The following LINGO2 variants were observed in gnomAD, a reference collection of about 807,000 sequenced individuals.
The protein encoded by LINGO2 is leucine rich repeat and Ig domain containing 2.
A neutral mutation model predicts 30.6 loss-of-function variants in LINGO2; 14 were observed. The observed-to-expected ratio is 0.46, with a 90% CI of 0.30 to 0.72. The LOEUF (loss-of-function observed/expected upper bound fraction) is 0.72, where lower values mean the gene tolerates loss of function less well. LINGO2 is among the 30% of genes least tolerant of loss of function. LINGO2 has a pLI of 0.07. For synonymous variants in LINGO2, 317 were observed against 288.5 expected (o/e 1.10, Z -1.00); for missense variants, 729 against 751.7 (o/e 0.97, Z 0.35).
At chr9:28,299,230 T>C (rs141812501) in intron 3 of LINGO2, among the ~76,000 whole-genome samples, 117 of 152,306 alleles carry the variant, frequency 7.7e-4, no homozygotes, top group East Asian at 6.8e-3. Context: ...AATGATTGCT[T>C]GATCTTGATA....
At chr9:28,098,494 T>A (rs1472019933) in intron 4 of LINGO2, among the ~76,000 whole-genome samples, 1 of 152,172 alleles carries the variant, frequency 6.6e-6, no homozygotes, top group Non-Finnish European at 1.5e-5. Flanking sequence ...GCTTAGCACT[T>A]TCACATCAGA....
At chr9:28,901,013 T>G in the LINGO2 span, among the ~76,000 whole-genome samples, 1 of 152,136 alleles carries the variant, frequency 6.6e-6, no homozygotes, top group Non-Finnish European at 1.5e-5. Context: ...GAGGAAGATA[T>G]ATTATAGTAA....
intron 1 of LINGO2, among the ~76,000 whole-genome samples, chr9:28,563,959 T>C (rs1823236032): frequency 1.3e-5 from 2 of 152,122 alleles, no homozygotes; most frequent in South Asian, 4.1e-4. Context: ...CCAATTTTTA[T>C]AAATGTAGTG....
chr9:28,172,034 C>CAAAAAAAAA (rs11421803), intron 4 of LINGO2, among the ~76,000 whole-genome samples: 2 of 98,720 alleles, frequency 2.0e-5, no homozygotes, highest in African/African-American at 3.8e-5. Flanking sequence ...AAAAAAAAAA[C>CAAAAAAAAA]AAAAAAAAAA....
At chr9:28,243,334 C>T (rs775267115) in intron 4 of LINGO2, among the ~76,000 whole-genome samples, 2 of 151,848 alleles carry the variant, frequency 1.3e-5, no homozygotes, top group Non-Finnish European at 2.9e-5. Flanking sequence ...GTGGTGGGTG[C>T]CTGTAGTCCC....
At chr9:28,988,752 G>A in the LINGO2 span, among the ~76,000 whole-genome samples, 4 of 152,224 alleles carry the variant, frequency 2.6e-5, no homozygotes, top group Non-Finnish European at 5.9e-5. Flanking sequence ...CATGAGCCCA[G>A]GGAAATCCTC....
chr9:27,978,719 T>C (rs1358651714), intron 5 of LINGO2, among the ~76,000 whole-genome samples: 1 of 152,012 alleles, frequency 6.6e-6, no homozygotes, highest in African/African-American at 2.4e-5. Context: ...AGGTCTCTTC[T>C]AGACCAATCT....
chr9:28,738,331 C>G, the LINGO2 span, among the ~76,000 whole-genome samples: 2 of 151,956 alleles, frequency 1.3e-5, no homozygotes. Context: ...AGCTAGCAAC[C>G]AAATAAACCA....
intron 1 of LINGO2, among the ~76,000 whole-genome samples, chr9:28,628,835 T>C (rs1397713279): frequency 1.3e-5 from 2 of 152,108 alleles, no homozygotes; most frequent in Non-Finnish European, 2.9e-5. Context: ...TTTGTACTAA[T>C]AGCTGAAAGT....
At chr9:28,049,604 T>A (rs908339187) in intron 4 of LINGO2, among the ~76,000 whole-genome samples, 8 of 150,752 alleles carry the variant, frequency 5.3e-5, no homozygotes, top group Non-Finnish European at 7.4e-5. Context: ...CTTATTAGCT[T>A]ATTATTCAAA....
At chr9:28,949,059 A>T in the LINGO2 span, among the ~76,000 whole-genome samples, 1 of 152,050 alleles carries the variant, frequency 6.6e-6, no homozygotes. Context: ...AAGCCAAGTA[A>T]GAAATTCGTG....
the LINGO2 span, among the ~76,000 whole-genome samples, chr9:28,780,551 C>G: frequency 6.6e-6 from 1 of 152,220 alleles, no homozygotes; most frequent in East Asian, 1.9e-4. Flanking sequence ...AGAAAATTTT[C>G]AAAGGCCTCT....
chr9:28,357,892 T>C (rs1820291310), intron 3 of LINGO2, among the ~76,000 whole-genome samples: 1 of 152,146 alleles, frequency 6.6e-6, no homozygotes, highest in African/African-American at 2.4e-5. Context: ...GCTACATTGA[T>C]CACATCAATT....
chr9:28,556,255 T>A (rs1162951225), intron 1 of LINGO2, among the ~76,000 whole-genome samples: 1 of 152,090 alleles, frequency 6.6e-6, no homozygotes, highest in Non-Finnish European at 1.5e-5. Context: ...CCCCATAGTC[T>A]CAGCCCAAAA....
intron 4 of LINGO2, among the ~76,000 whole-genome samples, chr9:28,097,842 G>A (rs1826292533): frequency 7.1e-6 from 1 of 141,210 alleles, no homozygotes; most frequent in Non-Finnish European, 1.5e-5. Flanking sequence ...TAATAATAAT[G>A]AAATAAAAAA....
the LINGO2 span, among the ~76,000 whole-genome samples, chr9:28,762,850 C>T: frequency 2.0e-5 from 3 of 151,724 alleles, no homozygotes; most frequent in African/African-American, 7.3e-5. Context: ...GTGATATGAG[C>T]CTGGACTTGA....
At chr9:28,777,598 C>T in the LINGO2 span, among the ~76,000 whole-genome samples, 6 of 152,218 alleles carry the variant, frequency 3.9e-5, no homozygotes, top group South Asian at 6.2e-4. Context: ...TATTTTAATA[C>T]GAGAGAGTTA....
chr9:28,581,769 CCTT>C (rs1469348719), intron 1 of LINGO2, among the ~76,000 whole-genome samples: 3 of 151,750 alleles, frequency 2.0e-5, no homozygotes, highest in African/African-American at 7.2e-5. Context: ...CAATGGTTTT[CCTT>C]CTTCTGAATA....
At chr9:28,953,425 G>A in the LINGO2 span, among the ~76,000 whole-genome samples, 16 of 151,714 alleles carry the variant, frequency 1.1e-4, no homozygotes, top group East Asian at 1.9e-4. Flanking sequence ...TTTAACAATC[G>A]TCATTGATTA....
Sources: gnomAD v4.1 joint callset for allele counts (sites outside exome capture counted in the v4.1 genomes callset) on GRCh38, gnomAD v4.1.1 for gene constraint, MANE v1.5 for transcripts, NCBI Gene and HGNC (gene_info 2026-07-23, HGNC 2026-07-21) for gene names.